TNRC6C: variants seen among roughly 807,000 people sequenced by gnomAD.
The protein encoded by TNRC6C is trinucleotide repeat-containing gene 6C protein.
A neutral mutation model predicts 153.7 loss-of-function variants in TNRC6C; 20 were observed. That is an observed-to-expected ratio of 0.13 (90% CI 0.09 to 0.19). TNRC6C has a LOEUF of 0.19. TNRC6C is among the 10% of genes least tolerant of loss of function. TNRC6C has a pLI of 1.00. For synonymous variants in TNRC6C, 811 were observed against 841.4 expected, an observed-to-expected ratio of 0.96 and a Z score of 0.63; for missense variants, 1,987 against 2,172.0, an observed-to-expected ratio of 0.91 and a Z score of 1.69.
chr17:78,046,269 C>T (rs1175601241), intron 2 of TNRC6C, among the ~76,000 whole-genome samples: 1 of 151,848 alleles, frequency 6.6e-6, no homozygotes, highest in African/African-American at 2.4e-5. Flanking sequence ...GCAACCTCCA[C>T]CTCTTGGGTT....
At chr17:78,078,094 A>C (rs1195452554) in intron 9 of TNRC6C, among the ~76,000 whole-genome samples, 2 of 152,136 alleles carry the variant, frequency 1.3e-5, no homozygotes, top group Non-Finnish European at 2.9e-5. Context: ...CTGTGTGCAC[A>C]TTGTCCCAGT....
rs2073065360 is a variant in TNRC6C at position 78,075,290 on chromosome 17, G to A, written c.3060+12G>A. The A allele has an allele frequency of 1.3e-6, 2 of 1,571,184 alleles. No homozygotes were observed. Among genetic ancestry groups the A allele is most frequent in the African/African-American group, 1.4e-5 (1 of 73,828 alleles). ...CCTTTCTTGACAAGGTATGAATATA[G>A]GTGGTTTGTTGTTTTTGCTTTTTTA... On this transcript the variant is annotated intron_variant, in intron 8 of 19. Transcript: ENST00000301624. The surrounding 1 kb of genome is among the most constrained non-coding windows in gnomAD (Gnocchi z 4.2).
chr17:78,081,272 T>G lies in TNRC6C; in HGVS notation c.3357+1731T>G, dbSNP rs73999628. Among the ~76,000 whole-genome samples, 1,439 of 151,938 alleles carry G rather than the reference T, an allele frequency of 9.5e-3. 26 individuals carry two copies. Among genetic ancestry groups the G allele is most frequent in the African/African-American group, 0.032 (1,334 of 41,422 alleles). ...AGGGTTTGGGTTTCAACATAGGAAT[T>G]CTCGGGGGACGCAGACATTCAGACC... On this transcript the variant is annotated intron_variant, in intron 10 of 19. Coordinates refer to ENST00000301624, the Ensembl canonical transcript of TNRC6C.
chr17:78,062,343 T>C (rs945532258), intron 3 of TNRC6C, among the ~76,000 whole-genome samples: 1 of 2,290 alleles, frequency 4.4e-4, no homozygotes, highest in Non-Finnish European at 6.0e-4. Flanking sequence ...TACTGCATTT[T>C]CTTAGAATAA....
chr17:78,061,064 T>C (rs2072758959), intron 3 of TNRC6C, among the ~76,000 whole-genome samples: 1 of 152,248 alleles, frequency 6.6e-6, no homozygotes, highest in Non-Finnish European at 1.5e-5. Context: ...GAATGAAAAC[T>C]ACATATCCTG....
At position 77,978,131 on chromosome 17, in the gene TNRC6C, T is replaced by C. The variant is rs543347566; in HGVS notation, c.-38+18863T>C. Among the ~76,000 whole-genome samples, 148 of 152,148 alleles carry C rather than the reference T, an allele frequency of 9.7e-4. 1 individual carries two copies. The highest frequency in any genetic ancestry group is 3.3e-3 in the African/African-American group (139 of 41,510). Reference sequence around the variant, plus strand: ...CCAGGATGGTCTCGATCTCCTGACCTTGTGATCCACCCGCCTCAGCCTCCC... The same window carrying C: ...CCAGGATGGTCTCGATCTCCTGACCCTGTGATCCACCCGCCTCAGCCTCCC... On this transcript the variant is annotated intron_variant, in intron 1 of 22. Coordinates refer to the TNRC6C transcript ENST00000636222.
chr17:78,044,600 A>G (rs2072369234), intron 2 of TNRC6C, among the ~76,000 whole-genome samples: 1 of 152,246 alleles, frequency 6.6e-6, no homozygotes, highest in South Asian at 2.1e-4. Context: ...GAGGCACTCA[A>G]TAATAGTTAT....
exon 20 of TNRC6C, chr17:78,106,429 G>A (rs535373065): frequency 1.3e-5 from 2 of 151,370 alleles, no homozygotes; most frequent in East Asian, 1.9e-4. Context: ...TGCACATGCC[G>A]GACGCGCTCT....
intron 19 of TNRC6C, among the ~76,000 whole-genome samples, 165 bp downstream of exon 22, chr17:78,103,718 GT>G (rs967019815): frequency 1.1e-4 from 17 of 152,314 alleles, no homozygotes; most frequent in Admixed American, 3.3e-4. Flanking sequence ...AGATGAAGGT[GT>G]GGGCAGGGCT....
chr17:78,049,935 A>G lies in TNRC6C; in HGVS notation c.873A>G (p.Glu291=). The G allele has an allele frequency of 6.2e-7, 1 of 1,614,062 alleles. No individual in the cohort carries two copies. Among genetic ancestry groups the G allele is most frequent in the Non-Finnish European group, 8.5e-7 (1 of 1,179,900 alleles). ...GATCCAGCAGTGCTGTGCAAAAGGA[A>G]GGAAGTGGAGGAAATGCTTGGGATT... Residue 291 remains glutamate (E), a synonymous_variant, in exon 3 of 20, where the codon GAA becomes GAG. Transcript: ENST00000301624. This position sits in a 1 kb window ranked among gnomAD's most constrained non-coding sequence, Gnocchi z 4.1.
chr17:78,002,700 C>T (rs896294184), upstream of TNRC6C, among the ~76,000 whole-genome samples: 6 of 152,124 alleles, frequency 3.9e-5, no homozygotes, highest in South Asian at 2.1e-4. Context: ...CGAGACTAGC[C>T]TGGACAACAT....
chr17:78,085,746 T>C (rs971886295), intron 11 of TNRC6C, among the ~76,000 whole-genome samples: 2 of 152,170 alleles, frequency 1.3e-5, no homozygotes, highest in African/African-American at 4.8e-5. Context: ...ACACACATTA[T>C]TATTGAATGA....
chr17:78,084,554 C>T (rs1393017973), intron 11 of TNRC6C, among the ~76,000 whole-genome samples: 1 of 151,550 alleles, frequency 6.6e-6, no homozygotes, highest in Non-Finnish European at 1.5e-5. Context: ...ATGGAAAGCA[C>T]AGAGCTCTAG....
At chr17:77,957,946 G>T (rs192971723), upstream of TNRC6C, among the ~76,000 whole-genome samples, 182 of 152,324 alleles carry the variant, frequency 1.2e-3, no homozygotes, top group African/African-American at 3.9e-3. Flanking sequence ...TGTGCTCCGG[G>T]GAAAGGGCTG....
intron 7 of TNRC6C, among the ~76,000 whole-genome samples, chr17:78,074,891 G>T (rs1459393811): frequency 1.3e-5 from 2 of 152,234 alleles, no homozygotes; most frequent in Non-Finnish European, 2.9e-5. Context: ...GGCAGGGCCA[G>T]ATCACAGACT....
intron 3 of TNRC6C, among the ~76,000 whole-genome samples, chr17:78,056,436 G>A (rs997812795): frequency 1.7e-4 from 25 of 151,002 alleles, no homozygotes; most frequent in Non-Finnish European, 4.4e-5. Context: ...GGGATTACAG[G>A]CATGAACCAC....
chr17:78,056,869 T>TTTTTTTTTTTTTTTTTGAGACGGA (rs1555638091), intron 3 of TNRC6C, among the ~76,000 whole-genome samples: 1 of 151,046 alleles, frequency 6.6e-6, no homozygotes, highest in South Asian at 2.1e-4. Context: ...CTCTTTTATA[T>TTTTTTTTTTTTTTTTTGAGACGGA]GAAAAATATT....
intron 1 of TNRC6C, among the ~76,000 whole-genome samples, chr17:77,960,799 G>C (rs2070855663): frequency 6.6e-6 from 1 of 152,146 alleles, no homozygotes; most frequent in Non-Finnish European, 1.5e-5. Flanking sequence ...ATGCAAAACA[G>C]GGTTTTTAAA....
intron 3 of TNRC6C, among the ~76,000 whole-genome samples, chr17:78,054,433 T>C (rs908124369): frequency 2.7e-5 from 4 of 149,224 alleles, no homozygotes; most frequent in African/African-American, 1.0e-4. Context: ...TGCAGACTAC[T>C]GTAAACCACT....
Sources: allele counts gnomAD v4.1 joint callset (sites outside exome capture counted in the v4.1 genomes callset), GRCh38; gene constraint gnomAD v4.1.1; non-coding constraint Gnocchi (gnomAD v3.1); transcripts MANE v1.5; gene names NCBI Gene and HGNC (gene_info 2026-07-23, HGNC 2026-07-21).